The following LATS1 variants were observed in gnomAD, a reference collection of about 807,000 sequenced individuals.
The protein encoded by LATS1 is serine/threonine-protein kinase LATS1.
In LATS1, 25 loss-of-function variants were observed where a neutral mutation model predicts 106.6. The observed-to-expected ratio is 0.23, with a 90% CI of 0.17 to 0.33. The LOEUF (loss-of-function observed/expected upper bound fraction) is 0.33, where lower values mean the gene tolerates loss of function less well. Ranked by LOEUF, LATS1 falls within the 10% of genes least tolerant of loss-of-function variation. The pLI, the probability that LATS1 is intolerant of heterozygous loss-of-function variation, is 1.00. For missense variants in LATS1, 1,040 were observed against 1,382.6 expected (o/e 0.75, Z 3.93); for synonymous variants, 465 against 455.6 (o/e 1.02, Z -0.26).
chr6:149,678,945 A>C (rs550311271), intron 5 of LATS1, among the ~76,000 whole-genome samples: 3 of 152,312 alleles, frequency 2.0e-5, no homozygotes, highest in Non-Finnish European at 4.4e-5. Flanking sequence ...TGAAATCCTA[A>C]ATAGTAGTGA....
Position 149,676,464 on chromosome 6 carries a change from T to G in LATS1, c.2776+91A>C. On this transcript the variant is annotated intron_variant, in intron 6 of 7. Transcript: ENST00000543571. ...AATTTATACTTTAAAATTAATACTTTTATTATAAGCCTGAAAAATAAGGCA... is the reference window on the plus strand; with the variant it reads ...AATTTATACTTTAAAATTAATACTTGTATTATAAGCCTGAAAAATAAGGCA... 5 of 1,386,110 alleles carry G rather than the reference T, an allele frequency of 3.6e-6. No individual in the cohort carries two copies. The Admixed American group carries it at 8.4e-5, about 23-fold the overall frequency. The allele number at this position is 1,386,110 out of a possible 1,614,324, so 85.9% of individuals were successfully genotyped here.
intron 3 of LATS1, among the ~76,000 whole-genome samples, chr6:149,690,123 T>G (rs1782645663): frequency 6.6e-6 from 1 of 152,160 alleles, no homozygotes; most frequent in South Asian, 2.1e-4. Context: ...TGAGAAACAT[T>G]TATAGAAATT....
rs147778704 is a variant in LATS1, at chr6:149,661,557, G to A, written c.*172C>T. 0.011 allele frequency: 5,777 copies of A among 512,640 alleles called. 112 individuals carry two copies. Among genetic ancestry groups the A allele is most frequent in the Admixed American group, 0.069 (1,835 of 26,600 alleles). 31.8% of individuals were successfully genotyped at this position (512,640 alleles called of 1,614,324 possible). A position where few individuals can be genotyped will look rare whatever the true frequency, so the allele number is the denominator to read the frequency against. On this transcript the variant is annotated 3_prime_UTR_variant, in exon 8 of 8. Coordinates refer to ENST00000543571, the MANE Select transcript of LATS1 (RefSeq NM_004690.4). Reference sequence around the variant, plus strand: ...TTCTAAATACTGATTTAAACGGCTGGAATAAATTAACATTTTAAAAGGATT... The same window carrying A: ...TTCTAAATACTGATTTAAACGGCTGAAATAAATTAACATTTTAAAAGGATT...
intron 1 of LATS1, among the ~76,000 whole-genome samples, chr6:149,703,621 T>C (rs1435242611): frequency 6.6e-6 from 1 of 152,100 alleles, no homozygotes; most frequent in Admixed American, 6.5e-5. Context: ...TCACAACACT[T>C]GGGAGGCCAA....
intron 7 of LATS1, among the ~76,000 whole-genome samples, 177 bp from the exon 8 acceptor site, chr6:149,662,415 C>T (rs1344294757): frequency 2.0e-5 from 3 of 152,148 alleles, no homozygotes; most frequent in African/African-American, 7.2e-5. Flanking sequence ...CTTCTACTCA[C>T]ATTATAAGAC....
At chr6:149,715,204 GA>G (rs146188236) in intron 1 of LATS1, among the ~76,000 whole-genome samples, 2,128 of 152,180 alleles carry the variant, frequency 0.014, 29 homozygotes, top group Middle Eastern at 0.024. Flanking sequence ...AAGTAGCTGG[GA>G]CTACAGACCC....
rs1780878331 is a variant in LATS1 at position 149,661,418 on chromosome 6, A to G, written c.*311T>C. 1 of 277,204 alleles carries G rather than the reference A, an allele frequency of 3.6e-6. No homozygotes were observed. The allele number at this position is 277,204 out of a possible 1,614,324, so 17.2% of individuals were successfully genotyped here. A position where few individuals can be genotyped will look rare whatever the true frequency, so the allele number is the denominator to read the frequency against. The stretch of plus-strand genomic sequence containing the variant: ...TTTAAAATTATTTAGCATATATACA[A>G]ATAGATACCAGGTTTCTCCTTTTAA... On this transcript the variant is annotated 3_prime_UTR_variant, in exon 8 of 8. Transcript: ENST00000543571.
intron 7 of LATS1, chr6:149,675,569 G>C (rs900714883): frequency 1.3e-5 from 2 of 152,198 alleles, no homozygotes; most frequent in Non-Finnish European, 1.5e-5. Context: ...GTTTTGTTTT[G>C]TTTTGTTTGA....
chr6:149,715,432 A>C (rs1784331888), intron 1 of LATS1, among the ~76,000 whole-genome samples: 1 of 152,150 alleles, frequency 6.6e-6, no homozygotes, highest in Non-Finnish European at 1.5e-5. Context: ...TTTTTTGCTA[A>C]TGTAAAATAA....
At chr6:149,682,263 A>C (rs1782078782) in intron 4 of LATS1, among the ~76,000 whole-genome samples, 1 of 152,186 alleles carries the variant, frequency 6.6e-6, no homozygotes, top group African/African-American at 2.4e-5. Flanking sequence ...GTATATTATA[A>C]AAATGAAATG....
At chr6:149,712,011 C>T (rs1784132384) in intron 1 of LATS1, among the ~76,000 whole-genome samples, 1 of 152,208 alleles carries the variant, frequency 6.6e-6, no homozygotes, top group South Asian at 2.1e-4. Flanking sequence ...GCACACAGGA[C>T]ACATTACTTC....
chr6:149,689,995 C>T (rs1194000431), intron 3 of LATS1, among the ~76,000 whole-genome samples: 1 of 151,482 alleles, frequency 6.6e-6, no homozygotes, highest in African/African-American at 2.4e-5. Flanking sequence ...TAAGACTCTC[C>T]TTCCACTCCC....
chr6:149,715,215 C>T (rs1170010687), intron 1 of LATS1, among the ~76,000 whole-genome samples: 1 of 151,988 alleles, frequency 6.6e-6, no homozygotes, highest in African/African-American at 2.4e-5. Flanking sequence ...ACTACAGACC[C>T]GCGCTACCAC....
At chr6:149,709,735 G>T (rs906616514) in intron 1 of LATS1, among the ~76,000 whole-genome samples, 1 of 144,478 alleles carries the variant, frequency 6.9e-6, no homozygotes, top group Non-Finnish European at 1.5e-5. Flanking sequence ...GAATGCAGTG[G>T]CTTGATCTTG....
intron 3 of LATS1, among the ~76,000 whole-genome samples, chr6:149,692,185 T>G (rs1176746406): frequency 6.6e-6 from 1 of 152,200 alleles, no homozygotes; most frequent in Non-Finnish European, 1.5e-5. Context: ...GCTCTTAGCA[T>G]AAAATTAATA....
At chr6:149,713,040 C>T (rs1198135660) in intron 1 of LATS1, among the ~76,000 whole-genome samples, 5 of 152,002 alleles carry the variant, frequency 3.3e-5, no homozygotes, top group African/African-American at 1.2e-4. Flanking sequence ...TTAAGATCAA[C>T]CCTTGGGCCC....
At chr6:149,707,640 G>A (rs1382227973) in intron 1 of LATS1, among the ~76,000 whole-genome samples, 1 of 152,164 alleles carries the variant, frequency 6.6e-6, no homozygotes, top group Non-Finnish European at 1.5e-5. Flanking sequence ...TCTGGTATAT[G>A]TGTAACAATG....
At chr6:149,700,870 G>C (rs921390630) in intron 2 of LATS1, among the ~76,000 whole-genome samples, 13 of 152,152 alleles carry the variant, frequency 8.5e-5, no homozygotes, top group Non-Finnish European at 1.5e-4. Flanking sequence ...TGTAACCTCT[G>C]CCTCCCGGGT....
At chr6:149,680,521 G>T in intron 4 of LATS1, 64 bp from the exon 5 acceptor site, 1 of 1,203,592 alleles carries the variant, frequency 8.3e-7, no homozygotes, top group Non-Finnish European at 1.2e-6. Flanking sequence ...TTAAGAAATA[G>T]CTTGGGAAAA....
Sources: gnomAD v4.1 joint callset for allele counts (sites outside exome capture counted in the v4.1 genomes callset) on GRCh38, gnomAD v4.1.1 for gene constraint, MANE v1.5 for transcripts, NCBI Gene and HGNC (gene_info 2026-07-23, HGNC 2026-07-21) for gene names.